Variants in CNTN5 observed in about 807,000 individuals in gnomAD.
CNTN5 encodes contactin 5.
In CNTN5, 77 loss-of-function variants were observed where a neutral mutation model predicts 129.1. The observed-to-expected ratio is 0.60, with a 90% CI of 0.50 to 0.72. The LOEUF (loss-of-function observed/expected upper bound fraction) is 0.72. Among genes scored for constraint, CNTN5 ranks in the 30% least tolerant of loss-of-function variants. The pLI, the probability that CNTN5 is intolerant of heterozygous loss-of-function variation, is 0.00. For synonymous variants in CNTN5, 509 were observed against 465.6 expected (o/e 1.09, Z -1.20); for missense variants, 1,478 against 1,328.8 (o/e 1.11, Z -1.75).
At chr11:99,159,845 T>A (rs966936990) in intron 1 of CNTN5, among the ~76,000 whole-genome samples, 1 of 152,166 alleles carries the variant, frequency 6.6e-6, no homozygotes, top group Non-Finnish European at 1.5e-5. Flanking sequence ...TGCTAGTTAT[T>A]TGAAGTTGTT....
intron 2 of CNTN5, among the ~76,000 whole-genome samples, chr11:99,472,106 C>T (rs1396289983): frequency 6.6e-6 from 1 of 152,134 alleles, no homozygotes; most frequent in Non-Finnish European, 1.5e-5. Context: ...ACCTACACAT[C>T]AAAGTTTCTC....
intron 1 of CNTN5, among the ~76,000 whole-genome samples, chr11:99,256,248 G>T (rs142231954): frequency 6.6e-6 from 1 of 151,990 alleles, no homozygotes; most frequent in South Asian, 2.1e-4. Flanking sequence ...TGGACATCTA[G>T]ACCCTTTATA....
At chr11:100,033,795 G>A (rs1941840052) in intron 9 of CNTN5, among the ~76,000 whole-genome samples, 1 of 152,054 alleles carries the variant, frequency 6.6e-6, no homozygotes, top group Non-Finnish European at 1.5e-5. Context: ...TGTCTTCATT[G>A]TGGCTAATTG....
At chr11:99,987,476 C>T (rs1938760635) in intron 8 of CNTN5, among the ~76,000 whole-genome samples, 1 of 149,874 alleles carries the variant, frequency 6.7e-6, no homozygotes, top group Non-Finnish European at 1.5e-5. Context: ...TTTCTTTCTC[C>T]ATATGTGTAT....
intron 16 of CNTN5, among the ~76,000 whole-genome samples, chr11:100,230,299 T>C (rs576404194): frequency 2.0e-5 from 3 of 152,356 alleles, no homozygotes; most frequent in African/African-American, 7.2e-5. Flanking sequence ...TATTATTGTA[T>C]GGGATTATTT....
intron 1 of CNTN5, among the ~76,000 whole-genome samples, chr11:99,104,896 A>G (rs971870836): frequency 6.6e-6 from 1 of 152,200 alleles, no homozygotes; most frequent in African/African-American, 2.4e-5. Flanking sequence ...GATTAACAAA[A>G]TAGCAACTTT....
At chr11:99,700,795 A>G (rs1275755146) in intron 3 of CNTN5, among the ~76,000 whole-genome samples, 4 of 151,336 alleles carry the variant, frequency 2.6e-5, no homozygotes, top group African/African-American at 9.7e-5. Context: ...CATACAATGC[A>G]TGGAAGCAGA....
At chr11:99,912,072 G>A (rs920204207) in intron 6 of CNTN5, among the ~76,000 whole-genome samples, 2 of 151,646 alleles carry the variant, frequency 1.3e-5, no homozygotes, top group African/African-American at 4.8e-5. Context: ...CATATTTTAA[G>A]CTACCTCAAA....
intron 3 of CNTN5, among the ~76,000 whole-genome samples, chr11:99,747,630 T>G (rs573224225): frequency 6.6e-6 from 1 of 151,856 alleles, no homozygotes; most frequent in Non-Finnish European, 1.5e-5. Flanking sequence ...CTACCATGCC[T>G]GGCTAACTTT....
chr11:100,254,557 C>G (rs559156002), intron 16 of CNTN5, among the ~76,000 whole-genome samples: 3 of 152,064 alleles, frequency 2.0e-5, no homozygotes, highest in Non-Finnish European at 4.4e-5. Flanking sequence ...CTTGCATCTG[C>G]TGGTGGTTCT....
At chr11:100,174,963 C>G (rs145203833) in intron 13 of CNTN5, among the ~76,000 whole-genome samples, 1 of 152,210 alleles carries the variant, frequency 6.6e-6, no homozygotes, top group East Asian at 1.9e-4. Context: ...ACCATGGTGA[C>G]AGCACAGCCT....
chr11:99,793,736 A>C (rs1219688960), intron 3 of CNTN5, among the ~76,000 whole-genome samples: 1 of 152,168 alleles, frequency 6.6e-6, no homozygotes, highest in Non-Finnish European at 1.5e-5. Flanking sequence ...TGTTTGCATG[A>C]TTCTCTTAGT....
chr11:99,206,421 G>A (rs10892905), intron 1 of CNTN5, among the ~76,000 whole-genome samples: 73,156 of 151,850 alleles, frequency 0.48, 18,096 homozygotes, highest in Middle Eastern at 0.64. Context: ...AACAAAAATC[G>A]GCTGCTTTAT....
intron 1 of CNTN5, among the ~76,000 whole-genome samples, chr11:99,192,251 T>C (rs879562995): frequency 6.6e-6 from 1 of 151,848 alleles, no homozygotes; most frequent in African/African-American, 2.4e-5. Context: ...TGAATAGTTA[T>C]ATGCCAACAA....
At chr11:99,655,079 T>C (rs1328215347) in intron 3 of CNTN5, among the ~76,000 whole-genome samples, 2 of 152,076 alleles carry the variant, frequency 1.3e-5, no homozygotes, top group East Asian at 1.9e-4. Context: ...TGTATTCTCA[T>C]GCAGATCCCA....
At chr11:99,777,383 G>T (rs1276271490) in intron 3 of CNTN5, among the ~76,000 whole-genome samples, 2 of 151,784 alleles carry the variant, frequency 1.3e-5, no homozygotes, top group African/African-American at 4.8e-5. Flanking sequence ...AGTTATAAAA[G>T]TTAATTCTAG....
At chr11:99,439,009 C>T (rs1305224546) in intron 2 of CNTN5, among the ~76,000 whole-genome samples, 1 of 152,050 alleles carries the variant, frequency 6.6e-6, no homozygotes, top group Non-Finnish European at 1.5e-5. Flanking sequence ...TTAATGAACA[C>T]TATGAAATAA....
At chr11:99,597,854 G>T (rs545911115) in intron 3 of CNTN5, among the ~76,000 whole-genome samples, 2 of 152,152 alleles carry the variant, frequency 1.3e-5, no homozygotes, top group South Asian at 4.2e-4. Flanking sequence ...TGCCTTCTTG[G>T]TGTGGGGCCA....
At chr11:100,121,808 C>T (rs533295226) in intron 13 of CNTN5, among the ~76,000 whole-genome samples, 1 of 151,732 alleles carries the variant, frequency 6.6e-6, no homozygotes, top group Non-Finnish European at 1.5e-5. Context: ...AAGTAAAAAA[C>T]ATAGTAAGCA....
Sources: gnomAD v4.1 joint callset for allele counts (sites outside exome capture counted in the v4.1 genomes callset) on GRCh38, gnomAD v4.1.1 for gene constraint, MANE v1.5 for transcripts, NCBI Gene and HGNC (gene_info 2026-07-23, HGNC 2026-07-21) for gene names.